RNF144A: variants seen among roughly 807,000 people sequenced by gnomAD.
The protein encoded by RNF144A is E3 ubiquitin-protein ligase RNF144A.
A neutral mutation model predicts 38.7 loss-of-function variants in RNF144A; 11 were observed. The ratio of observed to expected loss-of-function variants is 0.28; its 90% confidence interval spans 0.18 to 0.47. The LOEUF (loss-of-function observed/expected upper bound fraction) is 0.47, where lower values mean the gene tolerates loss of function less well. RNF144A is among the 20% of genes least tolerant of loss of function. RNF144A has a pLI of 0.99. For missense variants in RNF144A, 316 were observed against 377.2 expected, an observed-to-expected ratio of 0.84 and a Z score of 1.34; for synonymous variants, 149 against 143.9, an observed-to-expected ratio of 1.04 and a Z score of -0.25.
In RNF144A at chr2:7,040,236, A is replaced by C; in HGVS notation, c.*476A>C. ...TTTATTACTAATGGCATTTAGTAAAATCCTTTTTAGAAGGTATTTTTTTTC... is the reference window on the plus strand; with the variant it reads ...TTTATTACTAATGGCATTTAGTAAACTCCTTTTTAGAAGGTATTTTTTTTC... On this transcript the variant is annotated 3_prime_UTR_variant, in exon 9 of 9. Coordinates refer to ENST00000320892, the MANE Select transcript of RNF144A (RefSeq NM_014746.6). 1.0e-6 allele frequency: 1 copy of C among 986,030 alleles called. No individual in the cohort carries two copies. Among genetic ancestry groups the C allele is most frequent in the Non-Finnish European group, 1.2e-6 (1 of 830,348 alleles). 61.1% of individuals were successfully genotyped at this position (986,030 alleles called of 1,614,324 possible).
intron 2 of RNF144A, among the ~76,000 whole-genome samples, chr2:6,979,032 G>T (rs1413324500): frequency 1.3e-5 from 2 of 152,212 alleles, no homozygotes; most frequent in Non-Finnish European, 2.9e-5. Context: ...TCTGCAGCCA[G>T]GGTCAGAAAG....
At chr2:7,073,794 G>A in the RNF144A span, among the ~76,000 whole-genome samples, 1 of 152,104 alleles carries the variant, frequency 6.6e-6, no homozygotes. Context: ...GTCCTTGTAG[G>A]GTCACACCAC....
intron 5 of RNF144A, among the ~76,000 whole-genome samples, chr2:7,017,233 A>T (rs1175548589): frequency 6.6e-6 from 1 of 151,560 alleles, no homozygotes; most frequent in African/African-American, 2.4e-5. Flanking sequence ...GTGGGTCCTC[A>T]TGCCTTCGTC....
At chr2:6,999,371 G>A (rs1669959113) in intron 3 of RNF144A, among the ~76,000 whole-genome samples, 2 of 152,302 alleles carry the variant, frequency 1.3e-5, no homozygotes, top group East Asian at 3.9e-4. Context: ...GCTGCAGGTC[G>A]CCCCAAGCTG....
intron 1 of RNF144A, among the ~76,000 whole-genome samples, chr2:6,937,115 T>G (rs891795021): frequency 3.8e-4 from 58 of 152,210 alleles, no homozygotes; most frequent in Admixed American, 1.2e-3. Flanking sequence ...TCTTGAGTAT[T>G]GAGGGACTGA....
chr2:6,956,946 C>T (rs780007028), intron 2 of RNF144A, among the ~76,000 whole-genome samples: 4 of 152,304 alleles, frequency 2.6e-5, no homozygotes, highest in Non-Finnish European at 5.9e-5. Context: ...GTTGAAAACT[C>T]CATCAGTAGT....
At position 6,963,490 on chromosome 2, in the gene RNF144A, C is replaced by T. The variant is rs114104426; in HGVS notation, c.-12+22343C>T. The stretch of plus-strand genomic sequence containing the variant: ...TCTAAGTTAAACCACCTTTTCTTGC[C>T]TCCTTCTTCTTCTCAGAATGAATCT... On this transcript the variant is annotated intron_variant, in intron 2 of 8. Coordinates refer to ENST00000320892, the MANE Select transcript of RNF144A (RefSeq NM_014746.6). Among the ~76,000 whole-genome samples, 796 of 152,226 alleles carry T rather than the reference C, an allele frequency of 5.2e-3. 12 individuals are homozygous for T. Among genetic ancestry groups the T allele is most frequent in the African/African-American group, 0.019 (770 of 41,490 alleles).
intron 1 of RNF144A, among the ~76,000 whole-genome samples, chr2:6,940,132 C>T (rs1665872661): frequency 6.6e-6 from 1 of 152,090 alleles, no homozygotes; most frequent in Non-Finnish European, 1.5e-5. Context: ...GTAATCTATT[C>T]ACCAATTAAT....
chr2:7,021,725 A>G, intron 6 of RNF144A, among the ~76,000 whole-genome samples: 1 of 152,268 alleles, frequency 6.6e-6, no homozygotes, highest in East Asian at 1.9e-4. Flanking sequence ...CGATTCTGCC[A>G]TCAGGATGAG....
chr2:6,924,604 G>A (rs1477806352), intron 1 of RNF144A, among the ~76,000 whole-genome samples: 3 of 152,208 alleles, frequency 2.0e-5, no homozygotes, highest in African/African-American at 7.2e-5. Context: ...TTGGATGAAC[G>A]CTCAGGAGCA....
intron 5 of RNF144A, among the ~76,000 whole-genome samples, chr2:7,019,432 C>T (rs755626863): frequency 7.2e-5 from 11 of 152,212 alleles, no homozygotes; most frequent in Non-Finnish European, 1.0e-4. Context: ...GCCCGGCGGC[C>T]AGTCACAGGG....
intron 1 of RNF144A, among the ~76,000 whole-genome samples, chr2:6,938,993 A>G (rs1326143248): frequency 1.3e-5 from 2 of 152,072 alleles, no homozygotes; most frequent in Admixed American, 6.5e-5. Flanking sequence ...GTTGATGGAC[A>G]TATGGGTCGT....
intron 5 of RNF144A, among the ~76,000 whole-genome samples, chr2:7,017,039 C>T (rs190145536): frequency 1.4e-4 from 21 of 152,288 alleles, no homozygotes; most frequent in Admixed American, 1.2e-3. Flanking sequence ...ACAACTGGCT[C>T]ACTCCAGAGT....
chr2:6,955,499 C>T (rs1666945751), intron 2 of RNF144A, among the ~76,000 whole-genome samples: 1 of 152,192 alleles, frequency 6.6e-6, no homozygotes, highest in African/African-American at 2.4e-5. Flanking sequence ...TCAGCCCATT[C>T]CAGGCCCTCC....
chr2:7,069,573 T>A (rs1307583760), downstream of RNF144A, among the ~76,000 whole-genome samples: 1 of 152,230 alleles, frequency 6.6e-6, no homozygotes, highest in East Asian at 1.9e-4. Flanking sequence ...CTCCTTCTCT[T>A]TCATCTTCTC....
chr2:6,973,732 C>A (rs1334905706), intron 2 of RNF144A, among the ~76,000 whole-genome samples: 1 of 152,208 alleles, frequency 6.6e-6, no homozygotes, highest in Non-Finnish European at 1.5e-5. Flanking sequence ...CATCAGTACC[C>A]ACCATAGGGG....
chr2:6,957,195 C>T (rs1374498217), intron 2 of RNF144A, among the ~76,000 whole-genome samples: 1 of 152,180 alleles, frequency 6.6e-6, no homozygotes, highest in Non-Finnish European at 1.5e-5. Context: ...AACCCCTTCT[C>T]TGTCCCACGT....
At chr2:7,002,882 A>C (rs1460763653) in intron 3 of RNF144A, among the ~76,000 whole-genome samples, 1 of 152,216 alleles carries the variant, frequency 6.6e-6, no homozygotes, top group Non-Finnish European at 1.5e-5. Context: ...CTGCCCCTGA[A>C]GAACTTCTAG....
intron 3 of RNF144A, among the ~76,000 whole-genome samples, chr2:7,001,559 C>A (rs1162158832): frequency 6.6e-6 from 1 of 151,840 alleles, no homozygotes; most frequent in Non-Finnish European, 1.5e-5. Context: ...CACCTGTGGC[C>A]CCAGCTACTC....
Sources: gnomAD v4.1 joint callset for allele counts (sites outside exome capture counted in the v4.1 genomes callset) on GRCh38, gnomAD v4.1.1 for gene constraint, MANE v1.5 for transcripts, NCBI Gene and HGNC (gene_info 2026-07-23, HGNC 2026-07-21) for gene names.